The following MRPL37 variants were observed in gnomAD, a reference collection of about 807,000 sequenced individuals.
MRPL37 encodes the protein large ribosomal subunit protein mL37.
In MRPL37, 34 loss-of-function variants were observed where a neutral mutation model predicts 44.1. The observed-to-expected ratio is 0.77, with a 90% CI of 0.59 to 1.03. The LOEUF (loss-of-function observed/expected upper bound fraction) is 1.03, where lower values mean the gene tolerates loss of function less well. Ranked by LOEUF, MRPL37 falls within the 50% of genes least tolerant of loss-of-function variation. The pLI, the probability that MRPL37 is intolerant of heterozygous loss-of-function variation, is 0.00. For synonymous variants in MRPL37, 212 were observed against 219.5 expected (o/e 0.97, Z 0.30); for missense variants, 532 against 543.7 (o/e 0.98, Z 0.21).
At chr1:54,216,008 T>C (rs1373211550) in intron 5 of MRPL37, 133 bp from the exon 6 acceptor site, 3 of 926,448 alleles carry the variant, frequency 3.2e-6, no homozygotes, top group Admixed American at 4.2e-5. Flanking sequence ...TCTATTTTAA[T>C]TGTCCCAAAG....
downstream of MRPL37, chr1:54,220,735 G>C (rs1373606934): frequency 6.4e-6 from 3 of 471,330 alleles, no homozygotes; most frequent in Admixed American, 4.7e-5. Flanking sequence ...CCCAGTACAG[G>C]CTCCCCAGCC....
chr1:54,208,763 A>G (rs997065976), intron 3 of MRPL37, among the ~76,000 whole-genome samples: 1 of 151,942 alleles, frequency 6.6e-6, no homozygotes, highest in African/African-American at 2.4e-5. Context: ...GCTCTTACCC[A>G]GTGGTTTTCA....
chr1:54,224,999 G>A, downstream of MRPL37: 1 of 960,838 alleles, frequency 1.0e-6, no homozygotes, highest in Non-Finnish European at 1.3e-6. Flanking sequence ...ACTTGAGGCT[G>A]GGGGCCTGGG....
At position 54,218,127 on chromosome 1, in the gene MRPL37, C is replaced by T. The variant is rs143081055; in HGVS notation, c.1195-45C>T. 2.0e-5 allele frequency: 30 copies of T among 1,524,834 alleles called. No homozygotes were observed. The African/African-American group carries it at 2.7e-4, about 14-fold the overall frequency. The allele number at this position is 1,524,834 out of a possible 1,614,324, so 94.5% of individuals were successfully genotyped here. On this transcript the variant is annotated intron_variant, in intron 6 of 6. Coordinates refer to ENST00000360840, the MANE Select transcript of MRPL37 (RefSeq NM_016491.4). ...ATCCAATCTTTGTTTTAATTGCTGC[C>T]GTTAAACCTAGTAGCAGGATCCTAA... is the stretch of plus-strand genomic sequence containing the variant.
rs201756948 is a variant in MRPL37, at chr1:54,216,191, G to A, written c.1041G>A (p.Thr347=). ...CCGTGGTGGTGCAGAGCGTGGGCAC[G>A]GATGGACGTGTCTTCCATTTCCTAG... ...EQPVVVQSVG[T]DGRVFHFLVF... Residue 347 remains threonine (T), a synonymous_variant, in exon 6 of 7, where the codon ACG becomes ACA. Transcript: ENST00000360840. The A allele has an allele frequency of 5.0e-5, 80 of 1,614,094 alleles. No individual in the cohort carries two copies. Among genetic ancestry groups the A allele is most frequent in the Non-Finnish European group, 6.7e-5 (79 of 1,180,052 alleles).
downstream of MRPL37, among the ~76,000 whole-genome samples, chr1:54,221,661 GCAGT>G (rs994342389): frequency 6.6e-6 from 1 of 151,922 alleles, no homozygotes; most frequent in African/African-American, 2.4e-5. Flanking sequence ...TCCCACACAT[GCAGT>G]CACACTCCCA....
downstream of MRPL37, chr1:54,225,077 C>T: frequency 8.1e-7 from 1 of 1,233,912 alleles, no homozygotes; most frequent in Middle Eastern, 2.1e-4. Context: ...GATAGCGACT[C>T]CCCATAGAAA....
intron 1 of MRPL37, among the ~76,000 whole-genome samples, chr1:54,203,001 T>TAG (rs1644095513): frequency 6.6e-6 from 1 of 152,162 alleles, no homozygotes; most frequent in Non-Finnish European, 1.5e-5. Context: ...TCTATGCATG[T>TAG]TCCTCCCTTA....
At chr1:54,201,719 A>G (rs1190017789) in intron 1 of MRPL37, among the ~76,000 whole-genome samples, 1 of 152,190 alleles carries the variant, frequency 6.6e-6, no homozygotes, top group Non-Finnish European at 1.5e-5. Context: ...TGTCACTTAC[A>G]AAGTATGTGA....
Position 54,210,207 on chromosome 1 carries a change from T to C in MRPL37, c.832+76T>C, listed in dbSNP as rs1245344536. The C allele has an allele frequency of 2.0e-6, 3 of 1,466,166 alleles. No homozygotes were observed. The East Asian group carries it at 6.8e-5, about 33-fold the overall frequency. The allele number at this position is 1,466,166 out of a possible 1,614,324, so 90.8% of individuals were successfully genotyped here. ...CTTTTTCTGGAGGGAAAGGATATAC[T>C]AAGAACTTGCTAGGTGCTAGGCACC... On this transcript the variant is annotated intron_variant, in intron 4 of 6. Coordinates refer to ENST00000360840, the MANE Select transcript of MRPL37 (RefSeq NM_016491.4).
At chr1:54,218,532 T>C, downstream of MRPL37, 1 of 696,516 alleles carries the variant, frequency 1.4e-6, no homozygotes, top group East Asian at 3.4e-5. Flanking sequence ...TTTCCATTTC[T>C]TCATCTGAAA....
chr1:54,225,477 C>G (rs963225954), downstream of MRPL37: 6 of 1,151,274 alleles, frequency 5.2e-6, no homozygotes, highest in Non-Finnish European at 6.6e-6. Context: ...CAACATATAT[C>G]GTACACAAAC....
At chr1:54,221,592 A>T (rs1644234134), downstream of MRPL37, among the ~76,000 whole-genome samples, 2 of 152,018 alleles carry the variant, frequency 1.3e-5, no homozygotes, top group Non-Finnish European at 1.5e-5. Flanking sequence ...TGCCATGTTC[A>T]CTCTCACACA....
chr1:54,222,568 G>A (rs1436479345), downstream of MRPL37, among the ~76,000 whole-genome samples: 1 of 152,076 alleles, frequency 6.6e-6, no homozygotes, highest in East Asian at 1.9e-4. Flanking sequence ...TTCTTCTCGT[G>A]GTCACCAGGG....
intron 3 of MRPL37, among the ~76,000 whole-genome samples, chr1:54,206,069 TTTTG>T (rs1644119503): frequency 6.6e-6 from 1 of 152,126 alleles, no homozygotes; most frequent in African/African-American, 2.4e-5. Flanking sequence ...GAATACTCTT[TTTTG>T]TTTGATTTTT....
At chr1:54,201,891 A>G (rs1482927624) in intron 1 of MRPL37, among the ~76,000 whole-genome samples, 1 of 152,176 alleles carries the variant, frequency 6.6e-6, no homozygotes, top group Non-Finnish European at 1.5e-5. Context: ...TAAAGTCTTA[A>G]TATTTTATCT....
downstream of MRPL37, among the ~76,000 whole-genome samples, chr1:54,222,608 GCT>G (rs1423238044): frequency 6.6e-6 from 1 of 152,104 alleles, no homozygotes; most frequent in Non-Finnish European, 1.5e-5. Context: ...TCTACTCACT[GCT>G]CTGTCGCCTT....
intron 1 of MRPL37, among the ~76,000 whole-genome samples, chr1:54,201,687 ACTCAGATT>A (rs1218512735): frequency 6.6e-6 from 1 of 152,138 alleles, no homozygotes; most frequent in African/African-American, 2.4e-5. Context: ...GGGTAGACAT[ACTCAGATT>A]CTCCTCCTAG....
chr1:54,216,247 G>T lies in MRPL37; in HGVS notation c.1097G>T (p.Cys366Phe), dbSNP rs13571. ...VFQLNTTDLDCNEGVKNLAWV... is the reference protein window; with the variant it reads ...VFQLNTTDLDFNEGVKNLAWV... ...CAACTGAATACCACAGACCTGGACT[G>T]TAACGAGGGTGTCAAGAATTTGGCC... Residue 366 changes from cysteine to phenylalanine, a missense_variant, in exon 6 of 7, where the codon TGT (cysteine) becomes TTT (phenylalanine). Physicochemically the swap from Cys to Phe is radical, Grantham distance 205 (BLOSUM62 -2). Transcript: ENST00000360840. 24 of 1,613,942 alleles carry T rather than the reference G, an allele frequency of 1.5e-5. No homozygotes were observed. The highest frequency in any genetic ancestry group is 1.9e-5 in the Non-Finnish European group (23 of 1,180,030).
Sources: allele counts gnomAD v4.1 joint callset (sites outside exome capture counted in the v4.1 genomes callset), GRCh38; gene constraint gnomAD v4.1.1; transcripts MANE v1.5; gene names NCBI Gene and HGNC (gene_info 2026-07-23, HGNC 2026-07-21).